ANKRD42: variants seen among roughly 807,000 people sequenced by gnomAD.
The protein encoded by ANKRD42 is ankyrin repeat domain 42.
A neutral mutation model predicts 51.5 loss-of-function variants in ANKRD42; 43 were observed. The ratio of observed to expected loss-of-function variants is 0.83; its 90% confidence interval spans 0.65 to 1.08. The LOEUF (loss-of-function observed/expected upper bound fraction) is 1.08. Ranked by LOEUF, ANKRD42 falls within the 50% of genes least tolerant of loss-of-function variation. The probability of loss-of-function intolerance (pLI) is 0.00; values close to 1 mark genes in which losing one functional copy is unlikely to be tolerated. For missense variants in ANKRD42, 608 were observed against 629.3 expected (o/e 0.97, Z 0.36); for synonymous variants, 203 against 213.0 (o/e 0.95, Z 0.41).
At chr11:83,217,518 T>C (rs1862579484) in intron 5 of ANKRD42, among the ~76,000 whole-genome samples, 1 of 152,112 alleles carries the variant, frequency 6.6e-6, no homozygotes, top group Non-Finnish European at 1.5e-5. Flanking sequence ...AGGCAGGAGA[T>C]TGAAACTGTG....
At chr11:83,212,947 A>G (rs759241341) in intron 5 of ANKRD42, 2 of 1,532,660 alleles carry the variant, frequency 1.3e-6, no homozygotes, top group Admixed American at 2.4e-5. Context: ...CTCAAAAAAC[A>G]AAAAGCCCCT....
intron 9 of ANKRD42, 31 bp downstream of exon 9, chr11:83,240,965 C>T: frequency 6.3e-7 from 1 of 1,575,572 alleles, no homozygotes; most frequent in Non-Finnish European, 8.6e-7. Flanking sequence ...GTGATTTATC[C>T]TTTCAGAAAT....
intron 5 of ANKRD42, among the ~76,000 whole-genome samples, chr11:83,217,232 G>A (rs576716536): frequency 6.6e-6 from 1 of 152,342 alleles, no homozygotes; most frequent in East Asian, 1.9e-4. Flanking sequence ...CCAGGGTACT[G>A]AATGTTCAAG....
chr11:83,252,096 C>T (rs1863685434), downstream of ANKRD42, among the ~76,000 whole-genome samples: 1 of 152,126 alleles, frequency 6.6e-6, no homozygotes, highest in Non-Finnish European at 1.5e-5. Flanking sequence ...AAAAACTGGG[C>T]AAGACTTGTG....
Position 83,194,681 on chromosome 11 carries a change from T to A in ANKRD42, c.11T>A (p.Val4Glu). The change falls in exon 1 of 11, where the codon GTG becomes GAG. Residue 4 changes from valine to glutamate, a missense_variant. Coordinates refer to ENST00000533342, the MANE Select transcript of ANKRD42 (RefSeq NM_001300975.2). MPG[V>E]ANSGPSTSSR... ...CGGAGGTGTTGCGCCATGCCCGGGGTGGCCAATTCAGGCCCCTCCACTTCC... is the reference window on the plus strand; with the variant it reads ...CGGAGGTGTTGCGCCATGCCCGGGGAGGCCAATTCAGGCCCCTCCACTTCC... 3 of 1,613,714 alleles carry A rather than the reference T, an allele frequency of 1.9e-6. No homozygotes were observed. The highest frequency in any genetic ancestry group is 2.5e-6 in the Non-Finnish European group (3 of 1,179,920).
chr11:83,198,657 A>G lies in ANKRD42; in HGVS notation c.222+15A>G. The G allele has an allele frequency of 6.4e-7, 1 of 1,558,848 alleles. No homozygotes were observed. The stretch of plus-strand genomic sequence containing the variant: ...GAAGTTTGGAGGTAAGAAACTATAC[A>G]TATCACTAAACTGAGGTAAGTTTTA... On this transcript the variant is annotated intron_variant, in intron 2 of 10. Transcript: ENST00000533342.
intron 5 of ANKRD42, among the ~76,000 whole-genome samples, chr11:83,217,308 C>T (rs1387802996): frequency 6.6e-6 from 1 of 152,142 alleles, no homozygotes; most frequent in African/African-American, 2.4e-5. Context: ...AATTTGTTCC[C>T]TATATTCATG....
intron 5 of ANKRD42, chr11:83,214,273 A>C (rs183052486): frequency 8.4e-6 from 2 of 238,208 alleles, no homozygotes; most frequent in African/African-American, 4.7e-5. Context: ...TTTTGTGATC[A>C]TGAAGACATT....
chr11:83,234,021 A>T (rs984709962), intron 7 of ANKRD42, among the ~76,000 whole-genome samples: 1 of 152,032 alleles, frequency 6.6e-6, no homozygotes, highest in Non-Finnish European at 1.5e-5. Context: ...CTCTTTTTTG[A>T]TGTAGGCACT....
At chr11:83,213,211 G>A in intron 5 of ANKRD42, 1 of 1,599,788 alleles carries the variant, frequency 6.3e-7, no homozygotes, top group African/African-American at 1.3e-5. Context: ...CAAAGCACAT[G>A]CTGCCTACTG....
intron 9 of ANKRD42, among the ~76,000 whole-genome samples, chr11:83,243,752 C>T (rs539589751): frequency 7.2e-4 from 110 of 152,060 alleles, no homozygotes; most frequent in Non-Finnish European, 1.3e-3. Flanking sequence ...AGCTCCGCCT[C>T]CCGGGTTCAC....
chr11:83,262,243 TGAC>T (rs548816090), downstream of ANKRD42, among the ~76,000 whole-genome samples: 1,101 of 152,274 alleles, frequency 7.2e-3, 7 homozygotes, highest in Non-Finnish European at 9.0e-3. Context: ...CTAGCATTAT[TGAC>T]TACTTTAAAT....
At chr11:83,214,724 A>G (rs1273879478) in intron 5 of ANKRD42, 1 of 211,146 alleles carries the variant, frequency 4.7e-6, no homozygotes, top group African/African-American at 2.4e-5. Context: ...CTTTTATACT[A>G]GGAACATTTG....
In ANKRD42 at chr11:83,210,304, T is replaced by C. The variant is rs773249690; in HGVS notation, c.335T>C (p.Leu112Pro). ...TTCCTATTTCTCTATTTTTAGGCTC[T>C]TATAATGAATGGAGCAAATCTGACA... Reference protein sequence around the residue: ...IRGQDACVQALIMNGANLTAQ... With the variant: ...IRGQDACVQAPIMNGANLTAQ... The change falls in exon 4 of 11, where the codon CTT becomes CCT. Residue 112 changes from leucine (L) to proline (P), a missense_variant. Leu to Pro is a moderately conservative substitution (Grantham distance 98). Coordinates refer to ENST00000533342, the MANE Select transcript of ANKRD42 (RefSeq NM_001300975.2). The C allele has an allele frequency of 6.2e-7, 1 of 1,613,544 alleles. No individual in the cohort carries two copies. The highest frequency in any genetic ancestry group is 8.5e-7 in the Non-Finnish European group (1 of 1,179,514).
chr11:83,204,016 C>T lies in ANKRD42; in HGVS notation c.223-2042C>T, dbSNP rs531907756. Among the ~76,000 whole-genome samples, 5 of 151,924 alleles carry T rather than the reference C, an allele frequency of 3.3e-5. No individual in the cohort carries two copies. In the South Asian group the frequency reaches 8.3e-4, roughly 25 times the overall value. ...GGAGTACAGTGGCATGATCTCGGCT[C>T]ACTGCAACCTCTGCCTCCTGGGTTC... On this transcript the variant is annotated intron_variant, in intron 2 of 10. Coordinates refer to ENST00000533342, the MANE Select transcript of ANKRD42 (RefSeq NM_001300975.2).
At chr11:83,202,560 A>C (rs936201742) in intron 2 of ANKRD42, among the ~76,000 whole-genome samples, 1 of 152,128 alleles carries the variant, frequency 6.6e-6, no homozygotes, top group African/African-American at 2.4e-5. Context: ...AATAGCATTG[A>C]ATCTATAAAT....
intron 8 of ANKRD42, 51 bp downstream of exon 8, chr11:83,236,560 G>T (rs781510170): frequency 6.9e-7 from 1 of 1,454,380 alleles, no homozygotes; most frequent in East Asian, 2.4e-5. Context: ...AAAGTTTTGC[G>T]TATACTTTTT....
At chr11:83,227,661 T>C (rs752600872) in intron 6 of ANKRD42, 86 bp from the exon 7 acceptor site, 14 of 1,419,304 alleles carry the variant, frequency 9.9e-6, no homozygotes, top group African/African-American at 4.3e-5. Flanking sequence ...TGAGAAAATA[T>C]TGAAACCTGA....
intron 3 of ANKRD42, 32 bp from the exon 4 acceptor site, chr11:83,210,268 A>T: frequency 3.7e-6 from 6 of 1,602,944 alleles, no homozygotes; most frequent in Non-Finnish European, 5.1e-6. Flanking sequence ...ATCTATACTC[A>T]TGTAAAGTCT....
Sources: allele counts gnomAD v4.1 joint callset (sites outside exome capture counted in the v4.1 genomes callset), GRCh38; gene constraint gnomAD v4.1.1; transcripts MANE v1.5; gene names NCBI Gene and HGNC (gene_info 2026-07-23, HGNC 2026-07-21).